The following GSAP variants were observed in gnomAD, a reference collection of about 807,000 sequenced individuals.
The protein encoded by GSAP is gamma-secretase-activating protein.
GSAP carries 118 observed loss-of-function variants against 131.7 expected under a neutral mutation model. The observed-to-expected ratio is 0.90, with a 90% CI of 0.77 to 1.04. The LOEUF (loss-of-function observed/expected upper bound fraction) is 1.04, where lower values mean the gene tolerates loss of function less well. Among genes scored for constraint, GSAP ranks in the 50% least tolerant of loss-of-function variants. The pLI is 0.00. For missense variants in GSAP, 1,019 were observed against 1,013.2 expected, an observed-to-expected ratio of 1.01 and a Z score of -0.08; for synonymous variants, 381 against 363.4, an observed-to-expected ratio of 1.05 and a Z score of -0.55.
At chr7:77,387,493 C>A in intron 5 of GSAP, 45 bp from the exon 6 acceptor site, 1 of 1,011,922 alleles carries the variant, frequency 9.9e-7, no homozygotes. Context: ...TGTAATATCA[C>A]ACATTATTTT....
chr7:77,339,688 T>G (rs77750950), intron 19 of GSAP, among the ~76,000 whole-genome samples: 1 of 150,684 alleles, frequency 6.6e-6, no homozygotes, highest in African/African-American at 2.5e-5. Context: ...CAGAAACACA[T>G]GGAGGACATA....
chr7:77,330,734 TAGG>T (rs1789007012), intron 19 of GSAP: 3 of 988,952 alleles, frequency 3.0e-6, no homozygotes, highest in Non-Finnish European at 3.6e-6. Context: ...TTTTATGACT[TAGG>T]TGGTGTCAAC....
chr7:77,402,330 AG>A (rs1304322329), intron 3 of GSAP, among the ~76,000 whole-genome samples: 1 of 149,496 alleles, frequency 6.7e-6, no homozygotes, highest in Non-Finnish European at 1.5e-5. Flanking sequence ...GCAGATCACG[AG>A]GTCAAGAGAT....
chr7:77,313,470 A>C lies in GSAP; in HGVS notation c.2271+18T>G. 7.1e-7 allele frequency: 1 copy of C among 1,403,150 alleles called. No homozygotes were observed. Among genetic ancestry groups the C allele is most frequent in the Non-Finnish European group, 1.0e-6 (1 of 993,586 alleles). The allele number at this position is 1,403,150 out of a possible 1,614,324, so 86.9% of individuals were successfully genotyped here. A position where few individuals can be genotyped will look rare whatever the true frequency, so the allele number is the denominator to read the frequency against. ...ATGCCAAAGCTTAGGGAGAAAATAA[A>C]ATGTAACTCAGTATTACCGGAGGAA... is the stretch of plus-strand genomic sequence containing the variant. On this transcript the variant is annotated intron_variant, in intron 28 of 30. Coordinates refer to ENST00000257626, the MANE Select transcript of GSAP (RefSeq NM_017439.4).
intron 12 of GSAP, among the ~76,000 whole-genome samples, chr7:77,369,825 A>C (rs757537869): frequency 1.1e-4 from 16 of 152,176 alleles, no homozygotes; most frequent in Non-Finnish European, 2.1e-4. Flanking sequence ...CACATGAACA[A>C]TTTCTTAGTC....
chr7:77,387,317 C>T (rs771400857), intron 6 of GSAP, 43 bp downstream of exon 6: 2 of 994,786 alleles, frequency 2.0e-6, no homozygotes, highest in African/African-American at 1.6e-5. Flanking sequence ...GGCTGCATGC[C>T]TTTTGATTAA....
intron 14 of GSAP, among the ~76,000 whole-genome samples, chr7:77,360,252 C>A (rs1395564425): frequency 6.6e-6 from 1 of 152,204 alleles, no homozygotes; most frequent in Non-Finnish European, 1.5e-5. Flanking sequence ...GCCCCACATC[C>A]TAACTGGCAT....
chr7:77,317,239 C>T (rs111675514), intron 26 of GSAP, among the ~76,000 whole-genome samples: 12,323 of 152,034 alleles, frequency 0.081, 710 homozygotes, highest in Non-Finnish European at 0.11. Flanking sequence ...ATGGATGAAG[C>T]TTGAAACCAT....
chr7:77,352,450 C>G (rs751003030), intron 18 of GSAP, among the ~76,000 whole-genome samples: 60 of 152,132 alleles, frequency 3.9e-4, no homozygotes, highest in Non-Finnish European at 5.6e-4. Context: ...GGAGTCAGAA[C>G]CGACAGGGAG....
intron 12 of GSAP, among the ~76,000 whole-genome samples, chr7:77,373,651 CTGAT>C (rs1796445228): frequency 6.6e-6 from 1 of 152,162 alleles, no homozygotes. Context: ...ATGTCAAGCT[CTGAT>C]TGTTACATTG....
intron 1 of GSAP, among the ~76,000 whole-genome samples, chr7:77,411,153 C>T (rs1803227885): frequency 6.7e-6 from 1 of 149,892 alleles, no homozygotes; most frequent in African/African-American, 2.4e-5. Context: ...ACCCTCTGGC[C>T]CCCAAATCAA....
At chr7:77,365,914 T>TC (rs1795227286) in intron 12 of GSAP, among the ~76,000 whole-genome samples, 1 of 150,784 alleles carries the variant, frequency 6.6e-6, no homozygotes, top group Non-Finnish European at 1.5e-5. Context: ...TTTTTTTTTT[T>TC]TTTTTTTTAC....
chr7:77,396,330 T>C (rs1800387641), intron 5 of GSAP, among the ~76,000 whole-genome samples: 1 of 152,218 alleles, frequency 6.6e-6, no homozygotes, highest in African/African-American at 2.4e-5. Flanking sequence ...TTACATGGTC[T>C]CTCTGGCCAA....
At chr7:77,369,095 C>T (rs915261633) in intron 12 of GSAP, among the ~76,000 whole-genome samples, 2 of 152,116 alleles carry the variant, frequency 1.3e-5, no homozygotes, top group African/African-American at 4.8e-5. Context: ...TAGGCCTAAT[C>T]GGGAACTTGT....
intron 6 of GSAP, among the ~76,000 whole-genome samples, chr7:77,385,065 G>C (rs528394195): frequency 4.5e-4 from 65 of 145,110 alleles, no homozygotes; most frequent in Non-Finnish European, 8.2e-4. Context: ...ATGGAGTTTC[G>C]CTCTGTTGCC....
At chr7:77,345,502 G>A (rs182858669) in intron 19 of GSAP, among the ~76,000 whole-genome samples, 43 of 152,290 alleles carry the variant, frequency 2.8e-4, no homozygotes, top group Admixed American at 2.4e-3. Context: ...TGACCTGCAC[G>A]TATACATCCA....
chr7:77,344,673 C>T (rs529803588), intron 19 of GSAP, among the ~76,000 whole-genome samples: 2 of 152,302 alleles, frequency 1.3e-5, no homozygotes, highest in African/African-American at 2.4e-5. Flanking sequence ...TCTTAACTCC[C>T]TTTTAGAGTG....
At chr7:77,330,122 C>A in intron 20 of GSAP, 117 bp downstream of exon 20, 1 of 1,197,618 alleles carries the variant, frequency 8.3e-7, no homozygotes, top group Non-Finnish European at 1.1e-6. Flanking sequence ...ATGATCAAGT[C>A]CCTGGCAATT....
intron 1 of GSAP, among the ~76,000 whole-genome samples, chr7:77,410,377 C>G (rs1803055048): frequency 6.6e-6 from 1 of 152,160 alleles, no homozygotes; most frequent in Non-Finnish European, 1.5e-5. Context: ...TTAACACACC[C>G]TTTTAAAAGA....
Sources: gnomAD v4.1 joint callset for allele counts (sites outside exome capture counted in the v4.1 genomes callset) on GRCh38, gnomAD v4.1.1 for gene constraint, MANE v1.5 for transcripts, NCBI Gene and HGNC (gene_info 2026-07-23, HGNC 2026-07-21) for gene names.